Variants in TET2 observed in about 807,000 individuals in gnomAD.
TET2 encodes methylcytosine dioxygenase TET2.
A neutral mutation model predicts 142.9 loss-of-function variants in TET2; 299 were observed. The observed-to-expected ratio is 2.09, with a 90% confidence interval of 1.90 to 2.30. The LOEUF (loss-of-function observed/expected upper bound fraction) is 2.30. Among genes scored for constraint, TET2 ranks in the 30% most tolerant of loss-of-function variants. The probability of loss-of-function intolerance (pLI) is 0.00; values close to 1 mark genes in which losing one functional copy is unlikely to be tolerated. For missense variants in TET2, 2,418 were observed against 2,378.0 expected, an observed-to-expected ratio of 1.02 and a Z score of -0.35; for synonymous variants, 819 against 849.0, an observed-to-expected ratio of 0.96 and a Z score of 0.61.
chr4:105,233,401 A>T (rs1032521623), intron 2 of TET2, among the ~76,000 whole-genome samples: 1 of 147,222 alleles, frequency 6.8e-6, no homozygotes, highest in Non-Finnish European at 1.5e-5. Flanking sequence ...AAAAAAAAAA[A>T]GCTACTGCAG....
At chr4:105,198,192 TG>T (rs1322387472) in intron 2 of TET2, among the ~76,000 whole-genome samples, 2 of 151,782 alleles carry the variant, frequency 1.3e-5, no homozygotes, top group African/African-American at 4.8e-5. Flanking sequence ...CAAAATTAGC[TG>T]GGGGTGGTGG....
At chr4:105,161,570 C>A (rs1723862273) in intron 1 of TET2, among the ~76,000 whole-genome samples, 1 of 152,276 alleles carries the variant, frequency 6.6e-6, no homozygotes, top group South Asian at 2.1e-4. Context: ...ATCATCCTAT[C>A]TTATATTAGA....
At chr4:105,243,494 T>C in intron 5 of TET2, 76 bp from the exon 6 acceptor site, 1 of 1,318,680 alleles carries the variant, frequency 7.6e-7, no homozygotes, top group East Asian at 2.5e-5. Flanking sequence ...ATAAGTGCCC[T>C]TATCTGCTGC....
Position 105,236,169 on chromosome 4 carries a change from C to T in TET2, c.2227C>T (p.Gln743Ter), listed in dbSNP as rs1322900367. ...GAGTTCACATCTCCCTCAAAACCAG[C>T]AACAGCAGCAAAAATTACAAATAAA... Reference protein sequence around the residue: ...SQSSHLPQNQQQQQKLQIKNK... With the variant: ...SQSSHLPQNQ The change falls in exon 3 of 11, where the codon CAA becomes TAA. Residue 743 changes from glutamine to a stop codon, truncating the protein, a stop_gained. Coordinates refer to ENST00000380013, the MANE Select transcript of TET2 (RefSeq NM_001127208.3). LOFTEE classifies it high-confidence loss of function. The T allele has an allele frequency of 6.2e-7, 1 of 1,614,068 alleles. No homozygotes were observed.
chr4:105,195,343 AT>A (rs1235039765), intron 2 of TET2, among the ~76,000 whole-genome samples: 7 of 152,248 alleles, frequency 4.6e-5, no homozygotes, highest in Non-Finnish European at 1.0e-4. Context: ...CTGACCAGAC[AT>A]TTTTCTCAAA....
chr4:105,167,627 C>G (rs1724233760), intron 1 of TET2, among the ~76,000 whole-genome samples: 1 of 151,976 alleles, frequency 6.6e-6, no homozygotes, highest in African/African-American at 2.4e-5. Context: ...TTTATTAAGC[C>G]CTCAATAATA....
chr4:105,163,810 AGAGAG>A (rs1723981635), intron 1 of TET2, among the ~76,000 whole-genome samples: 1 of 15,516 alleles, frequency 6.4e-5, no homozygotes, highest in Non-Finnish European at 1.1e-4. Flanking sequence ...AAGTTTCGAG[AGAGAG>A]AGAGAGAGAG....
chr4:105,188,825 G>A (rs756873438), intron 1 of TET2, among the ~76,000 whole-genome samples: 1 of 152,068 alleles, frequency 6.6e-6, no homozygotes. Flanking sequence ...ACTGAAAGTT[G>A]ATTAGTGGTC....
chr4:105,213,138 CTCAAT>C (rs1432305311), intron 2 of TET2, among the ~76,000 whole-genome samples: 1 of 152,106 alleles, frequency 6.6e-6, no homozygotes, highest in Non-Finnish European at 1.5e-5. Flanking sequence ...ATCTTAACTC[CTCAAT>C]TCTTTTTCTG....
chr4:105,236,271 G>A lies in TET2; in HGVS notation c.2329G>A (p.Gly777Ser). 1 of 1,614,038 alleles carries A rather than the reference G, an allele frequency of 6.2e-7. No individual in the cohort carries two copies. The highest frequency in any genetic ancestry group is 1.3e-5 in the African/African-American group (1 of 75,022). Residue 777 changes from glycine to serine, a missense_variant, in exon 3 of 11, where the codon GGC (glycine) becomes AGC (serine). Physicochemically the swap from Gly to Ser is moderately conservative, Grantham distance 56. Coordinates refer to ENST00000380013, the MANE Select transcript of TET2 (RefSeq NM_001127208.3). ...TCAGCAAAGAGAAGGATCATTCTTT[G>A]GCCAGACTAAAGTGGAAGAATGTTT... ...NDQQREGSFF[G>S]QTKVEECFHG...
At chr4:105,164,230 T>G (rs1227062746) in intron 1 of TET2, among the ~76,000 whole-genome samples, 1 of 152,208 alleles carries the variant, frequency 6.6e-6, no homozygotes, top group African/African-American at 2.4e-5. Context: ...CATGTTACTC[T>G]CTGCGTTTAT....
At position 105,244,823 on chromosome 4, in the gene TET2, G is replaced by A. The variant is rs367665670; in HGVS notation, c.3803+1045G>A. Among the ~76,000 whole-genome samples, 28 of 152,206 alleles carry A rather than the reference G, an allele frequency of 1.8e-4. 1 individual carries two copies. In the South Asian group the frequency reaches 5.2e-3, roughly 28 times the overall value. Reference sequence around the variant, plus strand: ...TTGGTCAGGCTGGTCTCGAACTCCCGACCTCAGGTGATTGCCCACCTCGGC... The same window carrying A: ...TTGGTCAGGCTGGTCTCGAACTCCCAACCTCAGGTGATTGCCCACCTCGGC... On this transcript the variant is annotated intron_variant, in intron 6 of 10. Coordinates refer to ENST00000380013, the MANE Select transcript of TET2 (RefSeq NM_001127208.3).
Position 105,235,130 on chromosome 4 carries a change from C to T in TET2, c.1188C>T (p.Thr396=), listed in dbSNP as rs2110225345. 1 of 1,613,752 alleles carries T rather than the reference C, an allele frequency of 6.2e-7. No homozygotes were observed. The highest frequency in any genetic ancestry group is 1.1e-5 in the South Asian group (1 of 91,008). ...CTAAGGATTCCTTTTCTGCCACTAC[C>T]ACACCACCACCACCATCACAATTGC... ...VFTKDSFSAT[T]TPPPPSQLLL... is the part of the protein sequence containing the mutation. The change falls in exon 3 of 11, where the codon ACC becomes ACT. Residue 396 remains threonine (T), a synonymous_variant. Transcript: ENST00000380013.
Position 105,275,626 on chromosome 4 carries a change from T to C in TET2, c.5116T>C (p.Phe1706Leu), listed in dbSNP as rs1017944081. The change falls in exon 11 of 11, where the codon TTC becomes CTC. Residue 1706 changes from phenylalanine (F) to leucine (L), a missense_variant. Phe to Leu is a conservative substitution (Grantham distance 22, BLOSUM62 0). Coordinates refer to ENST00000380013, the MANE Select transcript of TET2 (RefSeq NM_001127208.3). ...YGNQNMQGDG[F>L]SSCTIRPNVH... ...AAACCAAAATATGCAGGGAGATGGT[T>C]TCAGCAGTTGTACCATTAGACCAAA... 1 of 1,551,888 alleles carries C rather than the reference T, an allele frequency of 6.4e-7. No individual in the cohort carries two copies. The highest frequency in any genetic ancestry group is 8.7e-7 in the Non-Finnish European group (1 of 1,147,032).
chr4:105,160,183 C>T (rs1476313155), intron 1 of TET2, among the ~76,000 whole-genome samples: 1 of 152,096 alleles, frequency 6.6e-6, no homozygotes, highest in Non-Finnish European at 1.5e-5. Flanking sequence ...ATTCTCTCAA[C>T]CTTCTCTCAT....
At chr4:105,152,667 G>A (rs1413514632) in intron 1 of TET2, among the ~76,000 whole-genome samples, 4 of 134,342 alleles carry the variant, frequency 3.0e-5, no homozygotes, top group African/African-American at 8.4e-5. Context: ...GTGTGATCTC[G>A]GCTCACTGCA....
intron 2 of TET2, among the ~76,000 whole-genome samples, chr4:105,194,393 G>C (rs904470292): frequency 1.3e-5 from 2 of 152,032 alleles, no homozygotes; most frequent in Admixed American, 1.3e-4. Flanking sequence ...GTATAAGGAG[G>C]AATGATATTT....
intron 1 of TET2, among the ~76,000 whole-genome samples, chr4:105,186,085 C>T (rs976232369): frequency 3.3e-5 from 5 of 151,986 alleles, no homozygotes; most frequent in African/African-American, 1.2e-4. Flanking sequence ...AAAAAATGTG[C>T]TGGGTGTGGT....
chr4:105,274,625 T>C (rs1043563177), intron 10 of TET2, among the ~76,000 whole-genome samples: 1 of 152,098 alleles, frequency 6.6e-6, no homozygotes, highest in Non-Finnish European at 1.5e-5. Flanking sequence ...ACATTGTGAG[T>C]ATTGCTTTAT....
Sources: gnomAD v4.1 joint callset for allele counts (sites outside exome capture counted in the v4.1 genomes callset) on GRCh38, gnomAD v4.1.1 for gene constraint, MANE v1.5 for transcripts, NCBI Gene and HGNC (gene_info 2026-07-23, HGNC 2026-07-21) for gene names.